OPCML: variants seen among roughly 807,000 people sequenced by gnomAD.
The protein encoded by OPCML is opioid binding protein/cell adhesion molecule like.
OPCML carries 13 observed loss-of-function variants against 37.8 expected under a neutral mutation model. That is an observed-to-expected ratio of 0.34 (90% CI 0.22 to 0.55). OPCML has a LOEUF of 0.55. Ranked by LOEUF, OPCML falls within the 20% of genes least tolerant of loss-of-function variation. OPCML has a pLI of 0.91. For synonymous variants in OPCML, 176 were observed against 168.8 expected, an observed-to-expected ratio of 1.04 and a Z score of -0.33; for missense variants, 341 against 435.6, an observed-to-expected ratio of 0.78 and a Z score of 1.93.
chr11:133,250,917 T>C (rs1177084186), intron 1 of OPCML, among the ~76,000 whole-genome samples: 2 of 152,078 alleles, frequency 1.3e-5, no homozygotes, highest in African/African-American at 2.4e-5. Flanking sequence ...TTCACATTTC[T>C]GCTGCACCTG....
At chr11:133,240,083 T>C (rs1282507332) in intron 1 of OPCML, among the ~76,000 whole-genome samples, 1 of 151,856 alleles carries the variant, frequency 6.6e-6, no homozygotes, top group East Asian at 1.9e-4. Context: ...ACAAAAGCAT[T>C]AGAATGTACG....
chr11:133,070,505 C>T (rs1555086895), intron 1 of OPCML, among the ~76,000 whole-genome samples: 1 of 152,124 alleles, frequency 6.6e-6, no homozygotes, highest in Non-Finnish European at 1.5e-5. Flanking sequence ...GAGGCGGGCC[C>T]ACAATTCTAT....
At chr11:132,891,475 T>C (rs1943646326) in intron 2 of OPCML, among the ~76,000 whole-genome samples, 1 of 152,208 alleles carries the variant, frequency 6.6e-6, no homozygotes, top group Non-Finnish European at 1.5e-5. Flanking sequence ...AACTGGAATA[T>C]TTAAAATTCA....
At chr11:133,335,148 A>T (rs1943715578) in intron 1 of OPCML, among the ~76,000 whole-genome samples, 2 of 152,188 alleles carry the variant, frequency 1.3e-5, no homozygotes, top group African/African-American at 4.8e-5. Context: ...TCCCCTTGGC[A>T]ACAAAATCAC....
At chr11:132,992,744 T>C (rs1026983489) in intron 1 of OPCML, among the ~76,000 whole-genome samples, 1 of 152,222 alleles carries the variant, frequency 6.6e-6, no homozygotes, top group African/African-American at 2.4e-5. Flanking sequence ...ATTTAGAATT[T>C]GATAATTTTC....
At chr11:133,007,322 C>A in intron 1 of OPCML, 1 of 985,446 alleles carries the variant, frequency 1.0e-6, no homozygotes, top group Non-Finnish European at 1.2e-6. Flanking sequence ...ATGACCTCAG[C>A]AGAACTCTGG....
intron 1 of OPCML, among the ~76,000 whole-genome samples, chr11:133,227,483 G>A (rs563906684): frequency 6.6e-6 from 1 of 152,258 alleles, no homozygotes; most frequent in East Asian, 1.9e-4. Context: ...CGTCTCAAGA[G>A]GGCACCTGGC....
intron 1 of OPCML, among the ~76,000 whole-genome samples, chr11:133,319,416 G>T (rs921622946): frequency 6.6e-6 from 1 of 152,080 alleles, no homozygotes; most frequent in African/African-American, 2.4e-5. Flanking sequence ...GTCTTCTTCC[G>T]AGGTCCCGAC....
intron 1 of OPCML, chr11:133,024,418 G>A (rs1947510364): frequency 1.0e-6 from 1 of 985,026 alleles, no homozygotes; most frequent in Non-Finnish European, 1.2e-6. Flanking sequence ...AGACATGGAG[G>A]AATTGTAGGT....
At position 133,174,639 on chromosome 11, in the gene OPCML, GA is replaced by G. The variant is rs34411187; in HGVS notation, c.62-231630del. Among the ~76,000 whole-genome samples the G allele has an allele frequency of 0.4, 46,015 of 116,420 alleles. 7,678 individuals carry two copies. The highest frequency in any genetic ancestry group is 0.44 in the Admixed American group (5,199 of 11,684). The allele number at this position is 116,420 out of a possible 152,430, so 76.4% of individuals were successfully genotyped here. ...AAATGCTCATGGAATGCTGTTTAGT[GA>G]AAAAAAAAAAAAAAAAAAGCAGGGG... On this transcript the variant is annotated intron_variant, in intron 1 of 7. Transcript: ENST00000524381. This position sits in a 1 kb window ranked among gnomAD's most constrained non-coding sequence, Gnocchi z 4.6.
intron 1 of OPCML, among the ~76,000 whole-genome samples, chr11:133,201,449 T>C (rs1405573710): frequency 1.3e-5 from 2 of 152,098 alleles, no homozygotes; most frequent in African/African-American, 4.8e-5. Context: ...GGTCAAACGT[T>C]TTGATGAATT....
chr11:133,054,909 GC>G lies in OPCML; in HGVS notation c.62-111900del, dbSNP rs1948198639. Reference sequence around the variant, plus strand: ...CCAAGTGGTGAGACTCCATGAGGGAGCCGCCTCTACCATATAATGCTGCCTC... The same window carrying G: ...CCAAGTGGTGAGACTCCATGAGGGAGCGCCTCTACCATATAATGCTGCCTC... On this transcript the variant is annotated intron_variant, in intron 1 of 7. Transcript: ENST00000524381. Among the ~76,000 whole-genome samples the G allele has an allele frequency of 3.3e-5, 5 of 151,586 alleles. 1 individual carries two copies. Among genetic ancestry groups the G allele is most frequent in the African/African-American group, 1.2e-4 (5 of 41,134 alleles).
At chr11:133,347,875 G>T (rs1944038556) in intron 1 of OPCML, among the ~76,000 whole-genome samples, 1 of 152,116 alleles carries the variant, frequency 6.6e-6, no homozygotes, top group East Asian at 1.9e-4. Context: ...CCCAGTACAT[G>T]CAGGCACCCA....
intron 1 of OPCML, among the ~76,000 whole-genome samples, chr11:133,402,222 A>C (rs1945419241): frequency 6.6e-6 from 1 of 151,958 alleles, no homozygotes; most frequent in African/African-American, 2.4e-5. Flanking sequence ...GGGATAGTGA[A>C]AGCAAGAGTT....
At chr11:133,159,879 A>G (rs1481932241) in intron 1 of OPCML, among the ~76,000 whole-genome samples, 1 of 152,172 alleles carries the variant, frequency 6.6e-6, no homozygotes, top group Non-Finnish European at 1.5e-5. Context: ...TCTGAGGAAC[A>G]TTTGTTACCT....
intron 2 of OPCML, among the ~76,000 whole-genome samples, chr11:132,687,804 T>G (rs1943230395): frequency 6.6e-6 from 1 of 152,272 alleles, no homozygotes; most frequent in South Asian, 2.1e-4. Flanking sequence ...CATCAGTCAC[T>G]TTACTTTCTT....
chr11:132,789,349 G>GCA (rs1937741969), intron 2 of OPCML, among the ~76,000 whole-genome samples: 2 of 152,144 alleles, frequency 1.3e-5, no homozygotes, highest in Non-Finnish European at 2.9e-5. Context: ...TTAACAGAAA[G>GCA]TTATAACATG....
intron 2 of OPCML, among the ~76,000 whole-genome samples, chr11:132,916,611 T>C: frequency 6.6e-6 from 1 of 152,154 alleles, no homozygotes; most frequent in East Asian, 1.9e-4. Flanking sequence ...AGAGTAGTAG[T>C]ACACGTAGAG....
chr11:133,218,423 C>T (rs911462279), intron 1 of OPCML, among the ~76,000 whole-genome samples: 17 of 152,112 alleles, frequency 1.1e-4, no homozygotes, highest in African/African-American at 3.9e-4. Flanking sequence ...TTCTTTGGTT[C>T]GCTAAAGGAG....
Sources: gnomAD v4.1 joint callset for allele counts (sites outside exome capture counted in the v4.1 genomes callset) on GRCh38, gnomAD v4.1.1 for gene constraint, Gnocchi (gnomAD v3.1) non-coding constraint, MANE v1.5 for transcripts, NCBI Gene and HGNC (gene_info 2026-07-23, HGNC 2026-07-21) for gene names.